Variants in SLC38A6 observed in about 807,000 individuals in gnomAD.
SLC38A6 encodes the protein solute carrier family 38 member 6.
In SLC38A6, 73 loss-of-function variants were observed where a neutral mutation model predicts 65.0. The ratio of observed to expected loss-of-function variants is 1.12; its 90% CI spans 0.93 to 1.37. The LOEUF is 1.37. Ranked by LOEUF, SLC38A6 falls within the 40% of genes most tolerant of loss-of-function variation. The pLI is 0.00. For synonymous variants in SLC38A6, 183 were observed against 178.8 expected, an observed-to-expected ratio of 1.02 and a Z score of -0.19; for missense variants, 561 against 531.1, an observed-to-expected ratio of 1.06 and a Z score of -0.55.
downstream of SLC38A6, among the ~76,000 whole-genome samples, chr14:61,055,106 C>CTTTTTTTTTTTTTTTTTTTTT (rs1280245361): frequency 1.6e-5 from 1 of 63,282 alleles, no homozygotes; most frequent in Non-Finnish European, 2.9e-5. Flanking sequence ...AAGTCTTTTT[C>CTTTTTTTTTTTTTTTTTTTTT]TTTTTTTTTT....
chr14:61,051,032 C>T (rs2042477962), intron 13 of SLC38A6, among the ~76,000 whole-genome samples: 1 of 152,134 alleles, frequency 6.6e-6, no homozygotes, highest in Admixed American at 6.6e-5. Flanking sequence ...TTTATTTTCA[C>T]ATAAGCATTC....
At chr14:61,043,693 CT>C (rs34559752) in intron 10 of SLC38A6, among the ~76,000 whole-genome samples, 190 bp downstream of exon 10, 12,661 of 107,378 alleles carry the variant, frequency 0.12, 1,460 homozygotes, top group African/African-American at 0.37. Flanking sequence ...AAACAGCCAC[CT>C]TTTTTTTTTT....
At chr14:60,990,444 C>CT (rs1259072626) in intron 3 of SLC38A6, among the ~76,000 whole-genome samples, 1 of 152,144 alleles carries the variant, frequency 6.6e-6, no homozygotes, top group South Asian at 2.1e-4. Context: ...ACTTGGATGT[C>CT]TAACAGCTCA....
chr14:61,079,846 T>C (rs2043576259), intron 16 of SLC38A6, among the ~76,000 whole-genome samples: 1 of 151,994 alleles, frequency 6.6e-6, no homozygotes, highest in African/African-American at 2.4e-5. Flanking sequence ...CAACGAAGGA[T>C]TTCTTTGAGG....
rs148585430 is a variant in SLC38A6 at position 61,021,219 on chromosome 14, T to C, written c.403+1639T>C. On this transcript the variant is annotated intron_variant, in intron 5 of 15. Transcript: ENST00000267488. ...ATAAACTTGTTGAGCAGAATAGAGC[T>C]GAAATGATTTGTATAATCTCTTTCT... 1.8e-3 allele frequency among the ~76,000 whole-genome samples: 269 copies of C among 152,304 alleles called. No individual in the cohort carries two copies. The East Asian group carries it at 0.028, about 16-fold the overall frequency.
chr14:61,020,238 G>C (rs1202475388), intron 5 of SLC38A6, among the ~76,000 whole-genome samples: 1 of 152,106 alleles, frequency 6.6e-6, no homozygotes, highest in African/African-American at 2.4e-5. Context: ...ATGTTGTAAA[G>C]AAGTTGCGTA....
At chr14:61,033,860 A>G (rs183802642) in intron 6 of SLC38A6, among the ~76,000 whole-genome samples, 3 of 152,310 alleles carry the variant, frequency 2.0e-5, no homozygotes, top group African/African-American at 7.2e-5. Context: ...CAAGACAAGG[A>G]TAGAGAAATT....
intron 5 of SLC38A6, among the ~76,000 whole-genome samples, chr14:61,028,553 A>G (rs950255902): frequency 6.6e-6 from 1 of 152,172 alleles, no homozygotes; most frequent in Non-Finnish European, 1.5e-5. Context: ...TGCCAAATTG[A>G]TAGCATTTTT....
chr14:61,046,705 C>T (rs1433826664), intron 12 of SLC38A6, among the ~76,000 whole-genome samples: 1 of 152,088 alleles, frequency 6.6e-6, no homozygotes, highest in African/African-American at 2.4e-5. Flanking sequence ...TTTACAGGTT[C>T]TTTTAAATTT....
chr14:61,012,687 A>C (rs1471896554), intron 3 of SLC38A6, among the ~76,000 whole-genome samples: 1 of 151,620 alleles, frequency 6.6e-6, no homozygotes, highest in African/African-American at 2.4e-5. Context: ...CATGTAGTTG[A>C]GCGGTGTTGA....
intron 15 of SLC38A6, among the ~76,000 whole-genome samples, chr14:61,070,003 TGAC>T (rs948444556): frequency 3.3e-5 from 5 of 152,224 alleles, no homozygotes; most frequent in African/African-American, 4.8e-5. Context: ...TTTGCCCCTT[TGAC>T]TTCTCTTTAC....
At chr14:61,017,255 G>C (rs529601373) in intron 4 of SLC38A6, among the ~76,000 whole-genome samples, 1 of 152,150 alleles carries the variant, frequency 6.6e-6, no homozygotes, top group Non-Finnish European at 1.5e-5. Flanking sequence ...GGTCAGGCTG[G>C]TCTGGGCCTC....
At chr14:61,061,684 C>T (rs2042846770) in intron 15 of SLC38A6, among the ~76,000 whole-genome samples, 1 of 152,162 alleles carries the variant, frequency 6.6e-6, no homozygotes, top group South Asian at 2.1e-4. Context: ...TTAATAGCTC[C>T]TTTCTTTGTA....
At chr14:60,985,643 T>TA (rs1212691155) in intron 3 of SLC38A6, among the ~76,000 whole-genome samples, 1 of 152,212 alleles carries the variant, frequency 6.6e-6, no homozygotes, top group Non-Finnish European at 1.5e-5. Flanking sequence ...GAAAAGTAGA[T>TA]ACACAAAATA....
chr14:60,997,935 G>C (rs943791269), intron 3 of SLC38A6, among the ~76,000 whole-genome samples: 1 of 152,052 alleles, frequency 6.6e-6, no homozygotes, highest in South Asian at 2.1e-4. Flanking sequence ...TAGAACTGAA[G>C]CACAGGCTAG....
intron 5 of SLC38A6, among the ~76,000 whole-genome samples, chr14:61,025,418 C>T (rs1189940905): frequency 2.6e-5 from 4 of 152,094 alleles, no homozygotes; most frequent in African/African-American, 7.2e-5. Context: ...GCAGATACAT[C>T]GCCATCTGCT....
chr14:61,008,801 C>G (rs1479746738), intron 3 of SLC38A6, among the ~76,000 whole-genome samples: 2 of 152,146 alleles, frequency 1.3e-5, no homozygotes, highest in Non-Finnish European at 2.9e-5. Context: ...ACATTATCAT[C>G]ATTCTAGACA....
At chr14:61,039,745 A>G (rs1387214847) in intron 8 of SLC38A6, among the ~76,000 whole-genome samples, 1 of 152,112 alleles carries the variant, frequency 6.6e-6, no homozygotes, top group Non-Finnish European at 1.5e-5. Flanking sequence ...ACGTATATAT[A>G]TTAACCCAGA....
At chr14:60,996,924 A>T (rs1050889961) in intron 3 of SLC38A6, among the ~76,000 whole-genome samples, 10 of 152,216 alleles carry the variant, frequency 6.6e-5, no homozygotes, top group Non-Finnish European at 4.4e-5. Flanking sequence ...AGTTTGAACA[A>T]TGACATTTTC....
Sources: gnomAD v4.1 joint callset for allele counts (sites outside exome capture counted in the v4.1 genomes callset) on GRCh38, gnomAD v4.1.1 for gene constraint, MANE v1.5 for transcripts, NCBI Gene and HGNC (gene_info 2026-07-23, HGNC 2026-07-21) for gene names.